Variants in AGAP1 observed in about 807,000 individuals in gnomAD.
AGAP1 encodes the protein ArfGAP with GTPase domain, ankyrin repeat and PH domain 1.
AGAP1 carries 29 observed loss-of-function variants against 105.3 expected under a neutral mutation model. The observed-to-expected ratio is 0.28, with a 90% confidence interval of 0.21 to 0.38. The LOEUF is 0.38. AGAP1 is among the 10% of genes least tolerant of loss of function. The probability of loss-of-function intolerance (pLI) is 1.00; values close to 1 mark genes in which losing one functional copy is unlikely to be tolerated. For missense variants in AGAP1, 998 were observed against 1,165.1 expected (o/e 0.86, Z 2.09); for synonymous variants, 509 against 485.9 (o/e 1.05, Z -0.63).
At chr2:236,108,384 C>G (rs771474047) in intron 16 of AGAP1, among the ~76,000 whole-genome samples, 7 of 152,220 alleles carry the variant, frequency 4.6e-5, no homozygotes, top group Non-Finnish European at 8.8e-5. Flanking sequence ...TGCCCTTCCT[C>G]TCCTCCTTGT....
intron 16 of AGAP1, among the ~76,000 whole-genome samples, chr2:236,086,859 C>A (rs554015779): frequency 2.0e-5 from 3 of 150,314 alleles, no homozygotes; most frequent in Non-Finnish European, 4.4e-5. Flanking sequence ...TCCCCTCCCC[C>A]ACCCCCCTGC....
At chr2:236,099,592 C>T (rs1170744401) in intron 16 of AGAP1, among the ~76,000 whole-genome samples, 2 of 152,188 alleles carry the variant, frequency 1.3e-5, no homozygotes, top group African/African-American at 4.8e-5. Flanking sequence ...CAGAATTGCC[C>T]TACAGATTCA....
At position 235,728,849 on chromosome 2, in the gene AGAP1, G is replaced by T. The variant is rs1341705401; in HGVS notation, c.310+11205G>T. Reference sequence around the variant, plus strand: ...TTGCCCTCTAGACACTAAGAAGAAGGGAGTAGGTTTAGGTTGGATGAAGAA... The same window carrying T: ...TTGCCCTCTAGACACTAAGAAGAAGTGAGTAGGTTTAGGTTGGATGAAGAA... On this transcript the variant is annotated intron_variant, in intron 3 of 17. Transcript: ENST00000304032. The surrounding 1 kb of genome is among the most constrained non-coding windows in gnomAD (Gnocchi z 4.3). Among the ~76,000 whole-genome samples, 1 of 152,176 alleles carries T rather than the reference G, an allele frequency of 6.6e-6. No individual in the cohort carries two copies. The highest frequency in any genetic ancestry group is 1.5e-5 in the Non-Finnish European group (1 of 68,038).
At chr2:236,100,832 G>GAAA (rs72435294) in intron 16 of AGAP1, among the ~76,000 whole-genome samples, 2 of 108,788 alleles carry the variant, frequency 1.8e-5, no homozygotes, top group Non-Finnish European at 2.0e-5. Flanking sequence ...TCCCTCTCAA[G>GAAA]AAAAAAAAAA....
chr2:236,069,988 C>G (rs1195766688), intron 16 of AGAP1, among the ~76,000 whole-genome samples: 1 of 152,250 alleles, frequency 6.6e-6, no homozygotes, highest in African/African-American at 2.4e-5. Flanking sequence ...TGCCTTTCAC[C>G]CAGTGTGACA....
intron 1 of AGAP1, chr2:235,671,065 G>A (rs777377442): frequency 1.5e-5 from 19 of 1,265,226 alleles, no homozygotes; most frequent in Middle Eastern, 3.0e-4. Context: ...GAGGTGGGCA[G>A]CGTGGCCGGG....
chr2:235,715,170 T>C (rs899028424), intron 2 of AGAP1, among the ~76,000 whole-genome samples: 1 of 152,206 alleles, frequency 6.6e-6, no homozygotes, highest in African/African-American at 2.4e-5. Flanking sequence ...CTGTCTCTCC[T>C]CCTCTCCCCT....
Position 235,628,996 on chromosome 2 carries a change from G to A in AGAP1, c.164-80183G>A, listed in dbSNP as rs1362278446. Reference sequence around the variant, plus strand: ...CCGGCTAATTTTTGTATTTTTAGTAGAGACGGGGTTTCACCATATTGGCCA... The same window carrying A: ...CCGGCTAATTTTTGTATTTTTAGTAAAGACGGGGTTTCACCATATTGGCCA... On this transcript the variant is annotated intron_variant, in intron 1 of 17. Transcript: ENST00000304032. 3.3e-5 allele frequency among the ~76,000 whole-genome samples: 5 copies of A among 152,164 alleles called. No individual in the cohort carries two copies. The East Asian group carries it at 9.7e-4, about 30-fold the overall frequency.
At position 235,736,796 on chromosome 2, in the gene AGAP1, G is replaced by T. The variant is rs1012577002; in HGVS notation, c.311-4167G>T. On this transcript the variant is annotated intron_variant, in intron 3 of 17. Transcript: ENST00000304032. This position sits in a 1 kb window ranked among gnomAD's most constrained non-coding sequence, Gnocchi z 5.5. ...GTCGAGGCTGCAGTGAGTCATGTCC[G>T]TGCCACCGCACTCCAGCCTAGGCAA... Among the ~76,000 whole-genome samples the T allele has an allele frequency of 2.0e-5, 3 of 152,134 alleles. No homozygotes were observed. Among genetic ancestry groups the T allele is most frequent in the African/African-American group, 7.2e-5 (3 of 41,410 alleles).
At position 235,750,870 on chromosome 2, in the gene AGAP1, T is replaced by G. The variant is rs1203967979; in HGVS notation, c.673+382T>G. Reference sequence around the variant, plus strand: ...TCCAGTCCCGTCCTTTAAAGCAGTTTAAATATTTGATATTAGGCTTTGAGA... The same window carrying G: ...TCCAGTCCCGTCCTTTAAAGCAGTTGAAATATTTGATATTAGGCTTTGAGA... On this transcript the variant is annotated intron_variant, in intron 6 of 17. Transcript: ENST00000304032. The surrounding 1 kb of genome is among the most constrained non-coding windows in gnomAD (Gnocchi z 5.3). Among the ~76,000 whole-genome samples the G allele has an allele frequency of 2.0e-5, 3 of 152,144 alleles. No homozygotes were observed. Among genetic ancestry groups the G allele is most frequent in the African/African-American group, 7.2e-5 (3 of 41,422 alleles).
intron 1 of AGAP1, among the ~76,000 whole-genome samples, chr2:235,546,628 G>A (rs142889958): frequency 9.9e-5 from 15 of 152,066 alleles, no homozygotes; most frequent in Non-Finnish European, 2.1e-4. Flanking sequence ...GTGTGGGGAC[G>A]TGGCTGGCGT....
intron 10 of AGAP1, among the ~76,000 whole-genome samples, chr2:235,890,173 T>TTTC: frequency 6.6e-6 from 1 of 151,232 alleles, no homozygotes; most frequent in African/African-American, 2.4e-5. Flanking sequence ...TTTTTTTTTT[T>TTTC]TTTTTTTAAG....
chr2:235,686,552 TATATACAC>T (rs1243140135), intron 1 of AGAP1, among the ~76,000 whole-genome samples: 10 of 54,350 alleles, frequency 1.8e-4, no homozygotes, highest in African/African-American at 5.5e-4. Context: ...AGGAGATATA[TATATACAC>T]ACACACACAC....
At position 235,927,078 on chromosome 2, in the gene AGAP1, G is replaced by A. The variant is rs148373955; in HGVS notation, c.1325-3687G>A. Among the ~76,000 whole-genome samples, 3 of 152,304 alleles carry A rather than the reference G, an allele frequency of 2.0e-5. No homozygotes were observed. Among genetic ancestry groups the A allele is most frequent in the Admixed American group, 6.5e-5 (1 of 15,298 alleles). On this transcript the variant is annotated intron_variant, in intron 11 of 17. Transcript: ENST00000304032. This position sits in a 1 kb window ranked among gnomAD's most constrained non-coding sequence, Gnocchi z 4.4. ...GATTGAAAGTTTCACCTTTATCACGGTTTGTCCATGTATACACCTTGATGT... is the reference window on the plus strand; with the variant it reads ...GATTGAAAGTTTCACCTTTATCACGATTTGTCCATGTATACACCTTGATGT...
intron 5 of AGAP1, among the ~76,000 whole-genome samples, chr2:235,749,379 TAAA>T (rs372905216): frequency 7.1e-6 from 1 of 141,324 alleles, no homozygotes; most frequent in Admixed American, 7.0e-5. Flanking sequence ...CAGCTGAGCT[TAAA>T]AAAAAAAAAA....
chr2:235,680,318 G>A (rs944371783), intron 1 of AGAP1, among the ~76,000 whole-genome samples: 2 of 152,230 alleles, frequency 1.3e-5, no homozygotes, highest in Non-Finnish European at 2.9e-5. Flanking sequence ...CGGGAGAAGT[G>A]TTGGGCCTGA....
rs1216604839 is a variant in AGAP1 at position 235,601,957 on chromosome 2, C to G, written c.163+107108C>G. Reference sequence around the variant, plus strand: ...AAAAGGTCCATTCTCAAAGGAGACTCCAGGGTGACCCCTAAAACCCAAGTC... The same window carrying G: ...AAAAGGTCCATTCTCAAAGGAGACTGCAGGGTGACCCCTAAAACCCAAGTC... On this transcript the variant is annotated intron_variant, in intron 1 of 17. Transcript: ENST00000304032. This position sits in a 1 kb window ranked among gnomAD's most constrained non-coding sequence, Gnocchi z 4.4. Among the ~76,000 whole-genome samples the G allele has an allele frequency of 6.6e-6, 1 of 152,180 alleles. No homozygotes were observed. Among genetic ancestry groups the G allele is most frequent in the Non-Finnish European group, 1.5e-5 (1 of 68,034 alleles).
intron 1 of AGAP1, among the ~76,000 whole-genome samples, chr2:235,536,627 TCACACACACACACACACACACACA>T (rs370173877): frequency 1.2e-3 from 127 of 108,314 alleles, no homozygotes; most frequent in Non-Finnish European, 1.7e-3. Context: ...GTCGCATCCT[TCACACACACACACACACACACACA>T]CACACACACA....
At chr2:235,687,486 C>T (rs1266043441) in intron 1 of AGAP1, among the ~76,000 whole-genome samples, 1 of 152,146 alleles carries the variant, frequency 6.6e-6, no homozygotes, top group Non-Finnish European at 1.5e-5. Flanking sequence ...ATGTGTAAAT[C>T]GTAATAGCCC....
Sources: gnomAD v4.1 joint callset for allele counts (sites outside exome capture counted in the v4.1 genomes callset) on GRCh38, gnomAD v4.1.1 for gene constraint, Gnocchi (gnomAD v3.1) non-coding constraint, MANE v1.5 for transcripts, NCBI Gene and HGNC (gene_info 2026-07-23, HGNC 2026-07-21) for gene names.